Variants in OSBPL10 observed in about 807,000 individuals in gnomAD.
OSBPL10 encodes the protein oxysterol binding protein like 10, also known as oxysterol-binding protein-related protein 10.
In OSBPL10, 49 loss-of-function variants were observed where a neutral mutation model predicts 81.7. That is an observed-to-expected ratio of 0.60 (90% confidence interval 0.48 to 0.76). The LOEUF is 0.76. Ranked by LOEUF, OSBPL10 falls within the 30% of genes least tolerant of loss-of-function variation. The probability of loss-of-function intolerance (pLI) is 0.00; values close to 1 mark genes in which losing one functional copy is unlikely to be tolerated. For missense variants in OSBPL10, 923 were observed against 987.8 expected, an observed-to-expected ratio of 0.93 and a Z score of 0.88; for synonymous variants, 419 against 383.6, an observed-to-expected ratio of 1.09 and a Z score of -1.08.
intron 1 of OSBPL10, among the ~76,000 whole-genome samples, chr3:31,953,409 G>A (rs1697923509): frequency 1.3e-5 from 2 of 151,790 alleles, no homozygotes; most frequent in Non-Finnish European, 2.9e-5. Flanking sequence ...CCAAGCAGAA[G>A]TGATTCTGTT....
rs528447320 is a variant in OSBPL10 at position 31,907,601 on chromosome 3, T to A, written c.282-27771A>T. ...AAGATCACACCACTGCACTCCAGCC[T>A]GGGTGAGACCTCCATCTCAAAAAAA... On this transcript the variant is annotated intron_variant, in intron 1 of 11. Coordinates refer to ENST00000396556, the MANE Select transcript of OSBPL10 (RefSeq NM_017784.5). Among the ~76,000 whole-genome samples, 196 of 108,760 alleles carry A rather than the reference T, an allele frequency of 1.8e-3. 1 individual carries two copies. The highest frequency in any genetic ancestry group is 6.8e-3 in the African/African-American group (186 of 27,444). 71.4% of individuals were successfully genotyped at this position (108,760 alleles called of 152,430 possible). A position where few individuals can be genotyped will look rare whatever the true frequency, so the allele number is the denominator to read the frequency against.
rs553135225 is a variant in OSBPL10, at chr3:31,752,710, T to G, written c.730-4590A>C. 2.6e-5 allele frequency among the ~76,000 whole-genome samples: 4 copies of G among 152,354 alleles called. No homozygotes were observed. The South Asian group carries it at 8.3e-4, about 32-fold the overall frequency. ...GTTTAAATCTGGGTAAAGCAAGGGC[T>G]GCGGGAGACAGCAAGAAGATAAGGG... is the stretch of plus-strand genomic sequence containing the variant. On this transcript the variant is annotated intron_variant, in intron 4 of 11. Transcript: ENST00000396556.
intron 1 of OSBPL10, among the ~76,000 whole-genome samples, chr3:32,069,782 C>T (rs1428733433): frequency 6.6e-6 from 1 of 152,182 alleles, no homozygotes; most frequent in Non-Finnish European, 1.5e-5. Context: ...GTAAGATAAC[C>T]CACAACCACG....
chr3:31,810,948 G>A (rs1699663289), intron 4 of OSBPL10, among the ~76,000 whole-genome samples: 1 of 152,160 alleles, frequency 6.6e-6, no homozygotes, highest in Admixed American at 6.5e-5. Context: ...CAGAAAATTA[G>A]AAACACCCTA....
chr3:31,716,144 C>T (rs925661486), intron 6 of OSBPL10, among the ~76,000 whole-genome samples: 16 of 152,154 alleles, frequency 1.1e-4, no homozygotes, highest in Non-Finnish European at 2.4e-4. Context: ...TCCAGACCTA[C>T]AGACACAGAA....
intron 4 of OSBPL10, among the ~76,000 whole-genome samples, chr3:31,791,151 G>A (rs1447603611): frequency 3.3e-5 from 5 of 152,144 alleles, no homozygotes; most frequent in Non-Finnish European, 1.5e-5. Context: ...AAATAGAAGT[G>A]TCATTTTAAA....
intron 11 of OSBPL10, chr3:31,663,133 C>A: frequency 1.0e-6 from 1 of 985,432 alleles, no homozygotes; most frequent in Non-Finnish European, 1.2e-6. Flanking sequence ...ACAGAATAAT[C>A]CCTCTTTGTA....
chr3:32,044,896 C>G (rs1699609053), intron 2 of OSBPL10, among the ~76,000 whole-genome samples: 3 of 152,068 alleles, frequency 2.0e-5, no homozygotes, highest in Admixed American at 2.0e-4. Flanking sequence ...TTCAATGCAG[C>G]CTCTACTTAA....
At chr3:32,060,774 G>A (rs7623319) in intron 1 of OSBPL10, among the ~76,000 whole-genome samples, 53,719 of 88,256 alleles carry the variant, frequency 0.61, 23,129 homozygotes, top group East Asian at 0.84. Context: ...TGACCAACGT[G>A]GAGAAACCCC....
intron 5 of OSBPL10, among the ~76,000 whole-genome samples, chr3:31,745,520 A>C (rs1027852118): frequency 2.0e-5 from 3 of 152,214 alleles, no homozygotes; most frequent in African/African-American, 7.2e-5. Context: ...CTGCCTTGAG[A>C]GAATTATAAT....
intron 2 of OSBPL10, among the ~76,000 whole-genome samples, chr3:32,008,760 GAAAA>G (rs11328847): frequency 8.7e-6 from 1 of 114,514 alleles, no homozygotes; most frequent in Non-Finnish European, 1.8e-5. Context: ...ATCCTGACTG[GAAAA>G]AAAAAAAAAA....
chr3:31,858,656 GC>G (rs1700986020), intron 3 of OSBPL10, among the ~76,000 whole-genome samples: 1 of 152,190 alleles, frequency 6.6e-6, no homozygotes, highest in Non-Finnish European at 1.5e-5. Flanking sequence ...ACCGGGTACT[GC>G]CCCCAGAGAG....
At chr3:32,066,803 A>G (rs1699784334) in intron 1 of OSBPL10, among the ~76,000 whole-genome samples, 1 of 152,236 alleles carries the variant, frequency 6.6e-6, no homozygotes. Context: ...AAAACTCCTG[A>G]AAAATGAAAT....
At chr3:31,852,639 C>T (rs1217100799) in intron 3 of OSBPL10, among the ~76,000 whole-genome samples, 1 of 152,096 alleles carries the variant, frequency 6.6e-6, no homozygotes, top group African/African-American at 2.4e-5. Flanking sequence ...AGTGCAGTGG[C>T]ATGCTCTCGA....
intron 1 of OSBPL10, among the ~76,000 whole-genome samples, chr3:32,059,073 T>C (rs1445985131): frequency 6.6e-6 from 1 of 151,802 alleles, no homozygotes; most frequent in Non-Finnish European, 1.5e-5. Context: ...CTGAGGCAGG[T>C]GGATCACGAG....
At chr3:31,937,458 G>A (rs1389034509) in intron 1 of OSBPL10, among the ~76,000 whole-genome samples, 1 of 152,108 alleles carries the variant, frequency 6.6e-6, no homozygotes, top group Non-Finnish European at 1.5e-5. Context: ...CATCAATTTA[G>A]GTCCAGCAGA....
intron 8 of OSBPL10, among the ~76,000 whole-genome samples, chr3:31,682,544 C>T (rs1032370191): frequency 2.6e-5 from 4 of 152,240 alleles, no homozygotes; most frequent in African/African-American, 9.6e-5. Context: ...CCTTACCCCT[C>T]TTTGCCCGCT....
chr3:31,953,553 G>A (rs1697928100), intron 1 of OSBPL10, among the ~76,000 whole-genome samples: 1 of 151,994 alleles, frequency 6.6e-6, no homozygotes, highest in Non-Finnish European at 1.5e-5. Flanking sequence ...GACTACAGAT[G>A]CATGCCACCA....
chr3:31,938,374 C>G (rs1025397816), intron 1 of OSBPL10, among the ~76,000 whole-genome samples: 1 of 152,162 alleles, frequency 6.6e-6, no homozygotes, highest in Admixed American at 6.5e-5. Context: ...ATACTCAACA[C>G]CAAGGAGAAA....
Sources: gnomAD v4.1 joint callset for allele counts (sites outside exome capture counted in the v4.1 genomes callset) on GRCh38, gnomAD v4.1.1 for gene constraint, MANE v1.5 for transcripts, NCBI Gene and HGNC (gene_info 2026-07-23, HGNC 2026-07-21) for gene names.